Variants in CADPS2 observed in about 807,000 individuals in gnomAD.
CADPS2 encodes calcium dependent secretion activator 2.
In CADPS2, 93 loss-of-function variants were observed where a neutral mutation model predicts 172.5. That is an observed-to-expected ratio of 0.54 (90% CI 0.46 to 0.64). The LOEUF is 0.64. CADPS2 is among the 30% of genes least tolerant of loss of function. The pLI, the probability that CADPS2 is intolerant of heterozygous loss-of-function variation, is 0.00. For missense variants in CADPS2, 1,420 were observed against 1,565.9 expected (o/e 0.91, Z 1.57); for synonymous variants, 546 against 555.2 (o/e 0.98, Z 0.23).
chr7:122,569,111 T>A (rs1220724314), intron 7 of CADPS2, among the ~76,000 whole-genome samples: 1 of 152,176 alleles, frequency 6.6e-6, no homozygotes, highest in Non-Finnish European at 1.5e-5. Context: ...GCAGACGACA[T>A]GATTGTATAT....
intron 2 of CADPS2, chr7:122,701,724 G>T: frequency 1.5e-6 from 1 of 679,590 alleles, no homozygotes; most frequent in Non-Finnish European, 2.5e-6. Flanking sequence ...GTTCATACTT[G>T]GGTAGAGAAG....
intron 6 of CADPS2, among the ~76,000 whole-genome samples, chr7:122,594,709 C>T (rs1323583905): frequency 6.6e-6 from 1 of 151,824 alleles, no homozygotes; most frequent in Non-Finnish European, 1.5e-5. Flanking sequence ...TCCCTCATAG[C>T]AGCACAGTTC....
At chr7:122,604,285 G>T (rs1264523732) in intron 6 of CADPS2, among the ~76,000 whole-genome samples, 2 of 152,024 alleles carry the variant, frequency 1.3e-5, no homozygotes, top group Non-Finnish European at 2.9e-5. Context: ...GATTGTTGAA[G>T]ATCTTGACAA....
At chr7:122,429,186 T>A (rs1390141755) in intron 17 of CADPS2, among the ~76,000 whole-genome samples, 6 of 151,866 alleles carry the variant, frequency 4.0e-5, no homozygotes, top group African/African-American at 1.2e-4. Context: ...ATATTTTTGA[T>A]ATAATACTTG....
chr7:122,517,809 C>T (rs2130939581), intron 8 of CADPS2, among the ~76,000 whole-genome samples: 1 of 151,962 alleles, frequency 6.6e-6, no homozygotes, highest in East Asian at 1.9e-4. Flanking sequence ...CTCAGAAGGG[C>T]TGGAATGTGG....
chr7:122,744,231 G>A (rs1019149168), intron 1 of CADPS2, among the ~76,000 whole-genome samples: 1 of 152,150 alleles, frequency 6.6e-6, no homozygotes, highest in Non-Finnish European at 1.5e-5. Context: ...CTTGATTCAT[G>A]AAGATGGTGA....
At chr7:122,848,519 T>C (rs926771715) in intron 1 of CADPS2, among the ~76,000 whole-genome samples, 1 of 152,178 alleles carries the variant, frequency 6.6e-6, no homozygotes, top group African/African-American at 2.4e-5. Context: ...TCAGATGCTA[T>C]CAGTATCTGT....
At chr7:122,429,567 C>T (rs2049610531) in intron 17 of CADPS2, among the ~76,000 whole-genome samples, 1 of 152,058 alleles carries the variant, frequency 6.6e-6, no homozygotes, top group Non-Finnish European at 1.5e-5. Context: ...GCCAAGTTCT[C>T]ATTATCCAAG....
At chr7:122,609,834 A>T (rs927983447) in intron 6 of CADPS2, among the ~76,000 whole-genome samples, 3 of 152,212 alleles carry the variant, frequency 2.0e-5, no homozygotes, top group African/African-American at 7.2e-5. Flanking sequence ...ACAAAGCACA[A>T]ACTGTTGAAG....
chr7:122,834,312 C>A (rs1030199184), intron 1 of CADPS2, among the ~76,000 whole-genome samples: 2 of 152,170 alleles, frequency 1.3e-5, no homozygotes, highest in Admixed American at 6.5e-5. Context: ...AAGAGCCAGG[C>A]AGTTCCAAGA....
intron 1 of CADPS2, among the ~76,000 whole-genome samples, chr7:122,745,146 G>A (rs1284054278): frequency 1.3e-5 from 2 of 151,678 alleles, no homozygotes; most frequent in African/African-American, 2.4e-5. Context: ...TGCATGGCAG[G>A]AGCGGTGAGA....
rs116297923 is a variant in CADPS2 at position 122,409,707 on chromosome 7, G to C, written c.2590-2011C>G. ...AGTTGCAGTTATCTTGAGAATACAG[G>C]GTCTTGTCTACAACCTGTCCCCTTC... is the stretch of plus-strand genomic sequence containing the variant. On this transcript the variant is annotated intron_variant, in intron 19 of 29. Transcript: ENST00000449022. 3,455 of 461,996 alleles carry C rather than the reference G, an allele frequency of 7.5e-3. 99 individuals are homozygous for C. The highest frequency in any genetic ancestry group is 0.063 in the African/African-American group (3,153 of 50,062). 28.6% of individuals were successfully genotyped at this position (461,996 alleles called of 1,614,324 possible).
chr7:122,642,755 T>C lies in CADPS2; in HGVS notation c.787-13427A>G, dbSNP rs1008358649. Among the ~76,000 whole-genome samples the C allele has an allele frequency of 2.0e-5, 3 of 152,238 alleles. 1 individual carries two copies. The South Asian group carries it at 6.2e-4, about 32-fold the overall frequency. On this transcript the variant is annotated intron_variant, in intron 3 of 29. Coordinates refer to ENST00000449022, the MANE Select transcript of CADPS2 (RefSeq NM_017954.11). The stretch of plus-strand genomic sequence containing the variant: ...AAGATAAATGTCCTTATGTTAACAT[T>C]GTCAATCACTAAAAAGGGGGATTAA...
chr7:122,552,749 T>A (rs1269630037), intron 8 of CADPS2, among the ~76,000 whole-genome samples: 1 of 149,962 alleles, frequency 6.7e-6, no homozygotes, highest in Admixed American at 6.7e-5. Flanking sequence ...TAAATTAGGG[T>A]CATCTCGGCA....
intron 8 of CADPS2, among the ~76,000 whole-genome samples, chr7:122,552,970 GTCA>G (rs773388680): frequency 6.6e-6 from 1 of 151,970 alleles, no homozygotes; most frequent in Non-Finnish European, 1.5e-5. Context: ...CACTGAACTT[GTCA>G]TCATCAGCTA....
chr7:122,484,121 C>G (rs1388618206), intron 11 of CADPS2, among the ~76,000 whole-genome samples: 1 of 151,962 alleles, frequency 6.6e-6, no homozygotes, highest in Non-Finnish European at 1.5e-5. Context: ...TACATTGTAC[C>G]CCATATATAT....
intron 2 of CADPS2, among the ~76,000 whole-genome samples, chr7:122,664,364 C>T (rs2080954693): frequency 6.6e-6 from 1 of 152,100 alleles, no homozygotes; most frequent in Non-Finnish European, 1.5e-5. Flanking sequence ...AGAATGGAGG[C>T]TTGGAAAGCA....
At chr7:122,611,460 A>C (rs1163682979) in intron 6 of CADPS2, among the ~76,000 whole-genome samples, 1 of 152,110 alleles carries the variant, frequency 6.6e-6, no homozygotes, top group African/African-American at 2.4e-5. Context: ...TGAATTGAAA[A>C]ATTAATGGCA....
At chr7:122,653,284 G>A (rs911842156) in intron 3 of CADPS2, among the ~76,000 whole-genome samples, 1 of 152,206 alleles carries the variant, frequency 6.6e-6, no homozygotes, top group African/African-American at 2.4e-5. Context: ...ACATACAGAA[G>A]TGACACTGTT....
Sources: gnomAD v4.1 joint callset for allele counts (sites outside exome capture counted in the v4.1 genomes callset) on GRCh38, gnomAD v4.1.1 for gene constraint, MANE v1.5 for transcripts, NCBI Gene and HGNC (gene_info 2026-07-23, HGNC 2026-07-21) for gene names.